Variants in RFC3 observed in about 807,000 individuals in gnomAD.
RFC3 encodes the protein replication factor C subunit 3, also known as A1 38 kDa subunit.
Under a neutral mutation model 45.1 loss-of-function variants are expected in RFC3, and 41 were observed. The observed-to-expected ratio is 0.91, with a 90% confidence interval of 0.71 to 1.18. The LOEUF (loss-of-function observed/expected upper bound fraction) is 1.18, where lower values mean the gene tolerates loss of function less well. Ranked by LOEUF, RFC3 falls within the 50% of genes most tolerant of loss-of-function variation. The pLI, the probability that RFC3 is intolerant of heterozygous loss-of-function variation, is 0.00. For synonymous variants in RFC3, 149 were observed against 144.0 expected (o/e 1.03, Z -0.25); for missense variants, 423 against 428.1 (o/e 0.99, Z 0.10).
At chr13:33,971,406 A>T (rs992109538), downstream of RFC3, among the ~76,000 whole-genome samples, 19 of 152,254 alleles carry the variant, frequency 1.2e-4, no homozygotes, top group African/African-American at 4.6e-4. Context: ...TTCACTCAAG[A>T]TTATTTTTGA....
the RFC3 span, among the ~76,000 whole-genome samples, chr13:33,972,294 C>T: frequency 2.0e-5 from 3 of 152,066 alleles, no homozygotes; most frequent in Non-Finnish European, 4.4e-5. Flanking sequence ...TATTTCTATG[C>T]ACAGAGTCCA....
At chr13:33,821,596 G>C (rs1297017031) in intron 2 of RFC3, among the ~76,000 whole-genome samples, 1 of 152,198 alleles carries the variant, frequency 6.6e-6, no homozygotes, top group Non-Finnish European at 1.5e-5. Context: ...GAGAGCAGTA[G>C]TGGGGATGGA....
chr13:33,819,755 C>A (rs2081984470), intron 1 of RFC3, among the ~76,000 whole-genome samples: 1 of 152,172 alleles, frequency 6.6e-6, no homozygotes. Context: ...ATATTTTGGA[C>A]ATGAATTTAA....
At chr13:33,894,267 C>A (rs996492072) in intron 8 of RFC3, among the ~76,000 whole-genome samples, 3 of 152,142 alleles carry the variant, frequency 2.0e-5, no homozygotes, top group African/African-American at 4.8e-5. Context: ...GGGCCATAAC[C>A]CTACCCAGTA....
chr13:33,886,642 T>C (rs1165433772), intron 8 of RFC3, among the ~76,000 whole-genome samples: 5 of 151,318 alleles, frequency 3.3e-5, no homozygotes, highest in Non-Finnish European at 7.4e-5. Flanking sequence ...TTCAATTTTA[T>C]TATTATTATA....
chr13:33,905,293 T>C (rs563018333), intron 8 of RFC3, among the ~76,000 whole-genome samples: 1 of 152,166 alleles, frequency 6.6e-6, no homozygotes, highest in Non-Finnish European at 1.5e-5. Flanking sequence ...TTTGTTATTA[T>C]GTTGCTTTTC....
chr13:33,905,283 T>C (rs891173459), intron 8 of RFC3, among the ~76,000 whole-genome samples: 2 of 151,980 alleles, frequency 1.3e-5, no homozygotes, highest in Admixed American at 6.6e-5. Context: ...GTGCATGTTA[T>C]TTGTTATTAT....
chr13:33,926,898 G>A (rs1231371577), intron 8 of RFC3, among the ~76,000 whole-genome samples: 2 of 150,828 alleles, frequency 1.3e-5, no homozygotes, highest in African/African-American at 2.4e-5. Flanking sequence ...CTCATTCTGA[G>A]AGGAAATGAT....
chr13:33,843,170 A>G (rs898583315), intron 8 of RFC3, among the ~76,000 whole-genome samples: 4 of 151,506 alleles, frequency 2.6e-5, no homozygotes, highest in Non-Finnish European at 5.9e-5. Flanking sequence ...ATATTTTTCA[A>G]ATTGATGAAC....
intron 8 of RFC3, among the ~76,000 whole-genome samples, chr13:33,906,325 C>G (rs1289427412): frequency 6.6e-6 from 1 of 151,648 alleles, no homozygotes; most frequent in Non-Finnish European, 1.5e-5. Flanking sequence ...AAGAAAGTCC[C>G]CAGTCATTGT....
chr13:33,938,874 A>C (rs888511376), intron 8 of RFC3, among the ~76,000 whole-genome samples: 3 of 152,178 alleles, frequency 2.0e-5, no homozygotes, highest in Non-Finnish European at 2.9e-5. Flanking sequence ...TTTACACTCC[A>C]ACTGGCAGTG....
At chr13:33,834,702 G>C (rs1450258571) in intron 7 of RFC3, among the ~76,000 whole-genome samples, 1 of 151,884 alleles carries the variant, frequency 6.6e-6, no homozygotes, top group Admixed American at 6.6e-5. Flanking sequence ...ACCATTTCCT[G>C]GATGTTTCAG....
At chr13:33,974,238 A>G in the RFC3 span, among the ~76,000 whole-genome samples, 1 of 151,898 alleles carries the variant, frequency 6.6e-6, no homozygotes, top group Admixed American at 6.5e-5. Context: ...AAGTTAGCAC[A>G]TGATATGCTT....
intron 8 of RFC3, among the ~76,000 whole-genome samples, chr13:33,877,194 C>G (rs2137584732): frequency 6.6e-6 from 1 of 152,292 alleles, no homozygotes; most frequent in East Asian, 1.9e-4. Context: ...GGTTGAGTGA[C>G]TTAGCCAAAG....
downstream of RFC3, among the ~76,000 whole-genome samples, chr13:33,968,046 G>T (rs2083096024): frequency 6.6e-6 from 1 of 152,142 alleles, no homozygotes; most frequent in South Asian, 2.1e-4. Flanking sequence ...CCCATGAAGG[G>T]TTATCTTGAG....
At chr13:33,834,326 A>G (rs2082132100) in intron 7 of RFC3, among the ~76,000 whole-genome samples, 1 of 132,408 alleles carries the variant, frequency 7.6e-6, no homozygotes, top group Non-Finnish European at 1.5e-5. Flanking sequence ...ATATATATAT[A>G]TATATCTGTA....
chr13:33,967,675 A>G (rs1326116408), downstream of RFC3, among the ~76,000 whole-genome samples: 4 of 151,672 alleles, frequency 2.6e-5, no homozygotes, highest in Non-Finnish European at 4.4e-5. Flanking sequence ...TTTAGTAGAG[A>G]TGGGGTTTCA....
Position 33,872,794 on chromosome 13 carries a change from C to CCT in RFC3, c.879+37578_879+37579insTC, listed in dbSNP as rs760083100. 1.6e-5 allele frequency among the ~76,000 whole-genome samples: 2 copies of CCT among 125,626 alleles called. 1 individual carries two copies. The highest frequency in any genetic ancestry group is 6.0e-5 in the African/African-American group (2 of 33,496). The allele number at this position is 125,626 out of a possible 152,430, so 82.4% of individuals were successfully genotyped here. A position where few individuals can be genotyped will look rare whatever the true frequency, so the allele number is the denominator to read the frequency against. On this transcript the variant is annotated intron_variant, in intron 8 of 8. Coordinates refer to the RFC3 transcript ENST00000434425. ...GAACAAAAAAAGAAAGAAACCAAAC[C>CCT]CCCCCCCCCAAAATACATGGTAGGC... is the stretch of plus-strand genomic sequence containing the variant.
At chr13:33,849,539 G>T (rs1467505162) in intron 8 of RFC3, 3 of 152,012 alleles carry the variant, frequency 2.0e-5, no homozygotes, top group Admixed American at 2.0e-4. Flanking sequence ...GAGCCTTGTA[G>T]GACAATTGCA....
Sources: allele counts gnomAD v4.1 joint callset (sites outside exome capture counted in the v4.1 genomes callset), GRCh38; gene constraint gnomAD v4.1.1; transcripts MANE v1.5; gene names NCBI Gene and HGNC (gene_info 2026-07-23, HGNC 2026-07-21).